STXBP5L: variants seen among roughly 807,000 people sequenced by gnomAD.
STXBP5L encodes the protein syntaxin-binding protein 5-like.
In STXBP5L, 65 loss-of-function variants were observed where a neutral mutation model predicts 144.5. The observed-to-expected ratio is 0.45, with a 90% CI of 0.37 to 0.55. The LOEUF (loss-of-function observed/expected upper bound fraction) is 0.55. Among genes scored for constraint, STXBP5L ranks in the 20% least tolerant of loss-of-function variants. The pLI is 0.00. For missense variants in STXBP5L, 1,298 were observed against 1,405.5 expected, an observed-to-expected ratio of 0.92 and a Z score of 1.22; for synonymous variants, 505 against 469.6, an observed-to-expected ratio of 1.08 and a Z score of -0.97.
intron 19 of STXBP5L, among the ~76,000 whole-genome samples, chr3:121,302,569 T>A (rs2051963113): frequency 6.6e-6 from 1 of 152,200 alleles, no homozygotes. Flanking sequence ...TCTTAGTTAT[T>A]TCTTGCCTTC....
At chr3:121,339,330 C>G (rs923868690) in intron 20 of STXBP5L, among the ~76,000 whole-genome samples, 3 of 152,114 alleles carry the variant, frequency 2.0e-5, no homozygotes, top group African/African-American at 7.2e-5. Flanking sequence ...ATATGATTAT[C>G]TCAATAGATG....
intron 5 of STXBP5L, among the ~76,000 whole-genome samples, chr3:121,083,044 A>G (rs1411096784): frequency 1.3e-5 from 2 of 152,012 alleles, no homozygotes. Flanking sequence ...AAAAAGAAAT[A>G]CAAAAATTAG....
At chr3:120,978,546 G>T (rs538312625) in intron 3 of STXBP5L, among the ~76,000 whole-genome samples, 3 of 152,162 alleles carry the variant, frequency 2.0e-5, no homozygotes, top group Non-Finnish European at 4.4e-5. Context: ...CTCTCAACTC[G>T]TCAAAGTCAT....
At chr3:121,258,036 G>C (rs1577319953) in intron 17 of STXBP5L, among the ~76,000 whole-genome samples, 1 of 151,920 alleles carries the variant, frequency 6.6e-6, no homozygotes, top group Non-Finnish European at 1.5e-5. Flanking sequence ...TTCTATATTA[G>C]AAAAAAGGAT....
intron 20 of STXBP5L, among the ~76,000 whole-genome samples, chr3:121,349,407 T>G (rs1286383303): frequency 6.7e-6 from 1 of 149,274 alleles, no homozygotes; most frequent in Non-Finnish European, 1.5e-5. Flanking sequence ...ATAGGTGTGG[T>G]GTGGTGCTGA....
At chr3:121,033,479 C>A (rs964464875) in intron 3 of STXBP5L, among the ~76,000 whole-genome samples, 1 of 137,996 alleles carries the variant, frequency 7.2e-6, no homozygotes, top group African/African-American at 2.8e-5. Context: ...CTAGATGACA[C>A]GTTAGTGGGT....
intron 6 of STXBP5L, among the ~76,000 whole-genome samples, chr3:121,115,472 G>A (rs2044192047): frequency 6.6e-6 from 1 of 152,054 alleles, no homozygotes; most frequent in Admixed American, 6.6e-5. Flanking sequence ...ATTGTTCAGG[G>A]CTCAAATATC....
chr3:120,975,684 C>A (rs1559936723), intron 3 of STXBP5L, among the ~76,000 whole-genome samples: 1 of 152,124 alleles, frequency 6.6e-6, no homozygotes, highest in Non-Finnish European at 1.5e-5. Flanking sequence ...GTAGGTTTGT[C>A]ATAGATAGCT....
intron 5 of STXBP5L, among the ~76,000 whole-genome samples, chr3:121,054,249 C>G (rs1202688165): frequency 8.5e-5 from 13 of 152,058 alleles, no homozygotes; most frequent in Non-Finnish European, 1.5e-4. Context: ...GGGTATATAC[C>G]CAAAGGATTA....
At chr3:121,007,005 G>A (rs1352260411) in intron 3 of STXBP5L, among the ~76,000 whole-genome samples, 3 of 152,000 alleles carry the variant, frequency 2.0e-5, no homozygotes, top group African/African-American at 4.8e-5. Flanking sequence ...TTTCAACTTT[G>A]GTGAATCTGA....
At chr3:121,027,661 A>G (rs1175226949) in intron 3 of STXBP5L, among the ~76,000 whole-genome samples, 1 of 151,864 alleles carries the variant, frequency 6.6e-6, no homozygotes, top group East Asian at 1.9e-4. Context: ...TTTTTCACTT[A>G]TAAGGACTCT....
chr3:121,002,284 G>A (rs1490766885), intron 3 of STXBP5L, among the ~76,000 whole-genome samples: 1 of 151,980 alleles, frequency 6.6e-6, no homozygotes, highest in Admixed American at 6.6e-5. Flanking sequence ...GTTTTCATTA[G>A]TGCTTCCCTG....
chr3:121,217,191 G>A (rs1008486480), intron 10 of STXBP5L, among the ~76,000 whole-genome samples: 1 of 152,136 alleles, frequency 6.6e-6, no homozygotes, highest in Non-Finnish European at 1.5e-5. Context: ...GGAAGTGAAT[G>A]GTTCTGTCTT....
At chr3:121,171,045 A>G (rs1559820253) in intron 9 of STXBP5L, among the ~76,000 whole-genome samples, 1 of 152,192 alleles carries the variant, frequency 6.6e-6, no homozygotes, top group Non-Finnish European at 1.5e-5. Flanking sequence ...ACATATGCAA[A>G]TCAATAAATG....
chr3:121,040,590 T>A (rs1947076546), intron 3 of STXBP5L, among the ~76,000 whole-genome samples: 1 of 152,106 alleles, frequency 6.6e-6, no homozygotes, highest in African/African-American at 2.4e-5. Context: ...CTTCTGCAAA[T>A]CTCTAGAGCT....
intron 20 of STXBP5L, among the ~76,000 whole-genome samples, chr3:121,352,238 G>C (rs908559872): frequency 4.6e-5 from 7 of 152,130 alleles, no homozygotes; most frequent in African/African-American, 1.4e-4. Flanking sequence ...TTGGTAGCTT[G>C]ATGGGGATGG....
At chr3:121,348,350 TC>T (rs1180644281) in intron 20 of STXBP5L, among the ~76,000 whole-genome samples, 1 of 152,180 alleles carries the variant, frequency 6.6e-6, no homozygotes, top group African/African-American at 2.4e-5. Flanking sequence ...GCTGCTGGAT[TC>T]GGTTTGCCAG....
chr3:121,087,055 T>A (rs1007364706), intron 5 of STXBP5L, among the ~76,000 whole-genome samples: 4 of 152,116 alleles, frequency 2.6e-5, no homozygotes, highest in Non-Finnish European at 5.9e-5. Flanking sequence ...ATATTTTATA[T>A]AACTTGAGTT....
intron 10 of STXBP5L, among the ~76,000 whole-genome samples, chr3:121,211,912 C>CA (rs1353400965): frequency 6.6e-6 from 1 of 152,142 alleles, no homozygotes; most frequent in East Asian, 1.9e-4. Flanking sequence ...GCCATTCTAA[C>CA]TGGCATGAGA....
Sources: gnomAD v4.1 joint callset for allele counts (sites outside exome capture counted in the v4.1 genomes callset) on GRCh38, gnomAD v4.1.1 for gene constraint, MANE v1.5 for transcripts, NCBI Gene and HGNC (gene_info 2026-07-23, HGNC 2026-07-21) for gene names.